UNC79: variants seen among roughly 807,000 people sequenced by gnomAD.
UNC79 encodes the protein unc-79 subunit of NALCN channel complex.
Under a neutral mutation model 283.1 loss-of-function variants are expected in UNC79, and 37 were observed. The observed-to-expected ratio is 0.13, with a 90% CI of 0.10 to 0.17. UNC79 has a LOEUF of 0.17. Ranked by LOEUF, UNC79 falls within the 10% of genes least tolerant of loss-of-function variation. The pLI is 1.00. For synonymous variants in UNC79, 1,107 were observed against 1,200.2 expected (o/e 0.92, Z 1.61); for missense variants, 2,272 against 3,211.1 (o/e 0.71, Z 7.07).
chr14:93,406,212 C>T (rs1428549782), intron 1 of UNC79, among the ~76,000 whole-genome samples: 1 of 152,102 alleles, frequency 6.6e-6, no homozygotes, highest in Non-Finnish European at 1.5e-5. Context: ...AAAATTAACA[C>T]AGCAAATTCA....
At chr14:93,357,916 C>G (rs965489650) in intron 1 of UNC79, among the ~76,000 whole-genome samples, 1,232 of 18,272 alleles carry the variant, frequency 0.067, 3 homozygotes, top group Middle Eastern at 0.12. Flanking sequence ...TATATATATC[C>G]ATATATATAG....
chr14:93,459,902 C>A, intron 1 of UNC79, among the ~76,000 whole-genome samples: 1 of 56,380 alleles, frequency 1.8e-5, no homozygotes, highest in Non-Finnish European at 3.3e-5. Context: ...AATCTCCTAA[C>A]CTTGTGATCC....
chr14:93,374,462 T>G (rs929475145), intron 1 of UNC79, among the ~76,000 whole-genome samples: 2 of 152,234 alleles, frequency 1.3e-5, no homozygotes, highest in Non-Finnish European at 2.9e-5. Flanking sequence ...TACTCTTTTC[T>G]TTGCCTACTT....
chr14:93,633,714 A>T (rs2068243038), intron 31 of UNC79, among the ~76,000 whole-genome samples: 1 of 152,212 alleles, frequency 6.6e-6, no homozygotes, highest in Non-Finnish European at 1.5e-5. Context: ...CAACTCAGCA[A>T]TCTACTGGCA....
chr14:93,654,825 AG>A (rs1398563005), intron 37 of UNC79, among the ~76,000 whole-genome samples: 2 of 152,120 alleles, frequency 1.3e-5, no homozygotes, highest in Non-Finnish European at 2.9e-5. Flanking sequence ...CTTGGGTTCA[AG>A]TCTCAGCACT....
chr14:93,467,693 G>A (rs1203077406), exon 2 of UNC79: 1 of 1,197,010 alleles, frequency 8.4e-7, no homozygotes, highest in Non-Finnish European at 1.0e-6. Context: ...TCCGGTACTT[G>A]CAGGAATATC....
intron 1 of UNC79, chr14:93,335,038 T>C (rs2053547429): frequency 6.6e-6 from 1 of 152,226 alleles, no homozygotes; most frequent in South Asian, 2.1e-4. Flanking sequence ...AAAATTAAAA[T>C]GGTATCAACA....
At chr14:93,643,662 C>A (rs2069282256) in exon 34 of UNC79, 6 of 1,613,030 alleles carry the variant, frequency 3.7e-6, no homozygotes, top group Non-Finnish European at 5.1e-6. Flanking sequence ...ACCTGGCAGC[C>A]CCGCTGCTGC....
intron 14 of UNC79, among the ~76,000 whole-genome samples, chr14:93,547,719 A>C (rs111918996): frequency 0.016 from 2,374 of 152,290 alleles, 16 homozygotes; most frequent in Non-Finnish European, 0.024. Context: ...GGCCAGGAGT[A>C]GTGGCTCATG....
intron 1 of UNC79, among the ~76,000 whole-genome samples, chr14:93,386,927 C>CTTTTTTTTTTTTTTT (rs35267402): frequency 3.7e-5 from 1 of 27,162 alleles, no homozygotes; most frequent in Non-Finnish European, 6.1e-5. Flanking sequence ...TGTATTTCTG[C>CTTTTTTTTTTTTTTT]TTTTTTTTTT....
At chr14:93,347,589 A>C (rs1427405550) in intron 1 of UNC79, among the ~76,000 whole-genome samples, 1 of 151,842 alleles carries the variant, frequency 6.6e-6, no homozygotes, top group African/African-American at 2.4e-5. Context: ...CGCGGTGAGG[A>C]TGCCGTCGTC....
intron 1 of UNC79, among the ~76,000 whole-genome samples, chr14:93,408,960 A>G (rs1240319159): frequency 2.0e-5 from 3 of 152,228 alleles, no homozygotes; most frequent in Admixed American, 6.5e-5. Flanking sequence ...AAAATGTCCT[A>G]CAATAAGCAT....
intron 20 of UNC79, among the ~76,000 whole-genome samples, chr14:93,582,594 A>G (rs1204881836): frequency 6.6e-6 from 1 of 152,056 alleles, no homozygotes; most frequent in Non-Finnish European, 1.5e-5. Context: ...TCGCCTCCCT[A>G]CTTACAATGC....
chr14:93,357,707 A>ATATGGATG (rs1566889626), intron 1 of UNC79, among the ~76,000 whole-genome samples: 2 of 122,488 alleles, frequency 1.6e-5, no homozygotes, highest in African/African-American at 6.7e-5. Context: ...ATATATATAT[A>ATATGGATG]TATATATATA....
intron 24 of UNC79, among the ~76,000 whole-genome samples, chr14:93,600,073 G>A (rs2065387656): frequency 1.3e-5 from 2 of 152,242 alleles, no homozygotes; most frequent in Non-Finnish European, 2.9e-5. Flanking sequence ...GGTGGCGGGC[G>A]CCTGTAGTCC....
At chr14:93,573,709 T>A (rs1355384874) in intron 16 of UNC79, among the ~76,000 whole-genome samples, 1 of 152,146 alleles carries the variant, frequency 6.6e-6, no homozygotes, top group African/African-American at 2.4e-5. Context: ...GACCATTTTT[T>A]AAAAAGTCAA....
chr14:93,592,491 A>C (rs1241994058), intron 22 of UNC79, among the ~76,000 whole-genome samples: 1 of 151,794 alleles, frequency 6.6e-6, no homozygotes, highest in Non-Finnish European at 1.5e-5. Context: ...CTTTTCCTTA[A>C]ATTTTTTCAC....
chr14:93,479,200 CTTCCTTCCTTCCTTCCTTCCTTCCTTCCT>C, intron 4 of UNC79, among the ~76,000 whole-genome samples: 1 of 147,718 alleles, frequency 6.8e-6, no homozygotes. Flanking sequence ...TCCTTCCTTC[CTTCCTTCCTTCCTTCCTTCCTTCCTTCCT>C]TTCCTTCCTT....
chr14:93,674,663 C>T (rs1295703451), intron 41 of UNC79, among the ~76,000 whole-genome samples: 2 of 152,188 alleles, frequency 1.3e-5, no homozygotes, highest in Non-Finnish European at 2.9e-5. Flanking sequence ...AGCTTGGTAT[C>T]AAGGAACTAG....
Sources: gnomAD v4.1 joint callset for allele counts (sites outside exome capture counted in the v4.1 genomes callset) on GRCh38, gnomAD v4.1.1 for gene constraint, MANE v1.5 for transcripts, NCBI Gene and HGNC (gene_info 2026-07-23, HGNC 2026-07-21) for gene names.